CDK6: variants seen among roughly 807,000 people sequenced by gnomAD.
The protein encoded by CDK6 is cyclin-dependent kinase 6.
Under a neutral mutation model 37.1 loss-of-function variants are expected in CDK6, and 6 were observed. That is an observed-to-expected ratio of 0.16 (90% CI 0.09 to 0.32). The LOEUF (loss-of-function observed/expected upper bound fraction) is 0.32. CDK6 is among the 10% of genes least tolerant of loss of function. The pLI is 1.00. For synonymous variants in CDK6, 160 were observed against 161.3 expected (o/e 0.99, Z 0.06); for missense variants, 224 against 418.9 (o/e 0.53, Z 4.06).
At position 92,630,052 on chromosome 7, in the gene CDK6, G is replaced by A. The variant is rs202228522; in HGVS notation, c.648-6966C>T. Among the ~76,000 whole-genome samples, 5 of 152,182 alleles carry A rather than the reference G, an allele frequency of 3.3e-5. No homozygotes were observed. The East Asian group carries it at 9.7e-4, about 29-fold the overall frequency. Reference sequence around the variant, plus strand: ...ATCTCCAAATAGCATCACATTGGGGGTTAGGGCTTCAATGTAAGAATTTTG... The same window carrying A: ...ATCTCCAAATAGCATCACATTGGGGATTAGGGCTTCAATGTAAGAATTTTG... On this transcript the variant is annotated intron_variant, in intron 5 of 7. Coordinates refer to ENST00000424848, the MANE Select transcript of CDK6 (RefSeq NM_001145306.2).
intron 5 of CDK6, among the ~76,000 whole-genome samples, chr7:92,637,191 C>A (rs984763164): frequency 6.6e-6 from 1 of 152,050 alleles, no homozygotes; most frequent in Non-Finnish European, 1.5e-5. Context: ...TACAGACCTA[C>A]GGGTTAAATA....
intron 5 of CDK6, among the ~76,000 whole-genome samples, chr7:92,624,179 G>A (rs765128306): frequency 1.3e-5 from 2 of 152,070 alleles, no homozygotes; most frequent in South Asian, 2.1e-4. Context: ...TGAAAATAAT[G>A]ATTTCCAAAT....
At chr7:92,781,242 G>GT (rs941936621) in intron 2 of CDK6, among the ~76,000 whole-genome samples, 2 of 152,210 alleles carry the variant, frequency 1.3e-5, no homozygotes, top group African/African-American at 4.8e-5. Flanking sequence ...CTCCCACAAA[G>GT]TAAGTTCTCT....
At chr7:92,630,047 T>TG (rs1051097329) in intron 5 of CDK6, among the ~76,000 whole-genome samples, 3 of 152,078 alleles carry the variant, frequency 2.0e-5, no homozygotes, top group Non-Finnish European at 4.4e-5. Flanking sequence ...AGCATCACAT[T>TG]GGGGGTTAGG....
chr7:92,699,792 C>T (rs973134260), intron 4 of CDK6, among the ~76,000 whole-genome samples: 1 of 152,202 alleles, frequency 6.6e-6, no homozygotes, highest in Non-Finnish European at 1.5e-5. Context: ...ACCAATTGCA[C>T]AAGCTCTGTG....
At chr7:92,708,239 A>G (rs1798009590) in intron 4 of CDK6, among the ~76,000 whole-genome samples, 1 of 152,198 alleles carries the variant, frequency 6.6e-6, no homozygotes, top group Non-Finnish European at 1.5e-5. Flanking sequence ...CCAAGAATGG[A>G]GAATGGAGAT....
intron 3 of CDK6, among the ~76,000 whole-genome samples, chr7:92,754,666 T>TA (rs1327446184): frequency 6.6e-6 from 1 of 152,338 alleles, no homozygotes; most frequent in African/African-American, 2.4e-5. Flanking sequence ...ATTCAATCTT[T>TA]AAAAAATAAA....
intron 4 of CDK6, among the ~76,000 whole-genome samples, chr7:92,678,014 C>G (rs772421016): frequency 2.6e-4 from 40 of 152,184 alleles, no homozygotes; most frequent in Non-Finnish European, 3.7e-4. Context: ...TTAAGTCATG[C>G]ATGAGCAGAA....
intron 4 of CDK6, among the ~76,000 whole-genome samples, chr7:92,712,203 C>T (rs189326884): frequency 2.6e-5 from 4 of 151,108 alleles, no homozygotes; most frequent in South Asian, 2.1e-4. Context: ...AGCGGGGACT[C>T]GCATATACAA....
chr7:92,641,920 T>C (rs570325944), intron 5 of CDK6, among the ~76,000 whole-genome samples: 37 of 152,356 alleles, frequency 2.4e-4, no homozygotes, highest in Non-Finnish European at 2.8e-4. Context: ...TTCGATTAAT[T>C]AATGTCTCAC....
At chr7:92,809,469 C>A (rs920875442) in intron 2 of CDK6, among the ~76,000 whole-genome samples, 1 of 152,188 alleles carries the variant, frequency 6.6e-6, no homozygotes, top group Non-Finnish European at 1.5e-5. Context: ...CTTACTTGGC[C>A]TTACTGGTCA....
At chr7:92,689,064 T>G (rs575518345) in intron 4 of CDK6, among the ~76,000 whole-genome samples, 84 of 152,296 alleles carry the variant, frequency 5.5e-4, no homozygotes, top group Non-Finnish European at 9.4e-4. Context: ...AACAAACATT[T>G]GCAGAGTGCT....
chr7:92,729,395 C>T (rs1585435771), intron 3 of CDK6, among the ~76,000 whole-genome samples: 2 of 152,112 alleles, frequency 1.3e-5, no homozygotes, highest in East Asian at 1.9e-4. Flanking sequence ...TTATGTTATA[C>T]GGCACAGTCT....
chr7:92,800,714 T>G (rs534126886), intron 2 of CDK6, among the ~76,000 whole-genome samples: 2 of 152,226 alleles, frequency 1.3e-5, no homozygotes, highest in African/African-American at 2.4e-5. Context: ...TTCTATGCCA[T>G]GTACTGCTAT....
At chr7:92,774,903 C>T (rs908891629) in intron 2 of CDK6, 72 bp from the exon 3 acceptor site, 4 of 1,432,832 alleles carry the variant, frequency 2.8e-6, no homozygotes, top group Admixed American at 2.4e-5. Flanking sequence ...TTATACATAT[C>T]GCTCAATTTG....
At chr7:92,786,921 C>T (rs887877631) in intron 2 of CDK6, among the ~76,000 whole-genome samples, 21 of 151,892 alleles carry the variant, frequency 1.4e-4, no homozygotes, top group Non-Finnish European at 2.6e-4. Flanking sequence ...CAGTGGCTCA[C>T]CCCTGTAATC....
chr7:92,772,819 C>A (rs955979462), intron 3 of CDK6, among the ~76,000 whole-genome samples: 3 of 152,106 alleles, frequency 2.0e-5, no homozygotes, highest in African/African-American at 7.2e-5. Context: ...TTTAACTGCA[C>A]AGATGCCTTT....
At chr7:92,643,890 C>T (rs1001887310) in intron 5 of CDK6, among the ~76,000 whole-genome samples, 2 of 152,164 alleles carry the variant, frequency 1.3e-5, no homozygotes, top group Non-Finnish European at 2.9e-5. Flanking sequence ...CTTTGTGTTT[C>T]GCAAAGTTCA....
chr7:92,727,031 T>C (rs1169687575), intron 3 of CDK6, among the ~76,000 whole-genome samples: 12 of 152,196 alleles, frequency 7.9e-5, no homozygotes. Context: ...TCAGATCTTT[T>C]TCTAATTTTA....
Sources: gnomAD v4.1 joint callset for allele counts (sites outside exome capture counted in the v4.1 genomes callset) on GRCh38, gnomAD v4.1.1 for gene constraint, MANE v1.5 for transcripts, NCBI Gene and HGNC (gene_info 2026-07-23, HGNC 2026-07-21) for gene names.